SEC24D: variants seen among roughly 807,000 people sequenced by gnomAD.
SEC24D encodes protein transport protein Sec24D.
SEC24D carries 69 observed loss-of-function variants against 116.9 expected under a neutral mutation model. The ratio of observed to expected loss-of-function variants is 0.59; its 90% CI spans 0.49 to 0.72. The LOEUF is 0.72. Ranked by LOEUF, SEC24D falls within the 30% of genes least tolerant of loss-of-function variation. The probability of loss-of-function intolerance (pLI) is 0.00; values close to 1 mark genes in which losing one functional copy is unlikely to be tolerated. For synonymous variants in SEC24D, 405 were observed against 442.8 expected (o/e 0.91, Z 1.07); for missense variants, 1,131 against 1,264.1 (o/e 0.89, Z 1.60).
chr4:118,801,277 ATCGAACTTTT>A (rs1235009073), intron 7 of SEC24D, among the ~76,000 whole-genome samples: 2 of 151,892 alleles, frequency 1.3e-5, no homozygotes, highest in Non-Finnish European at 2.9e-5. Context: ...AAAAAAAAAA[ATCGAACTTTT>A]TTTGGCAAGG....
At chr4:118,831,331 G>C (rs1578485636) in intron 2 of SEC24D, among the ~76,000 whole-genome samples, 2 of 152,084 alleles carry the variant, frequency 1.3e-5, no homozygotes, top group Admixed American at 1.3e-4. Context: ...ACCCCACCAA[G>C]TTTTGTTTTT....
chr4:118,735,650 T>C (rs564500869), intron 19 of SEC24D: 1 of 152,028 alleles, frequency 6.6e-6, no homozygotes, highest in Admixed American at 6.6e-5. Context: ...ATTAAAAGAA[T>C]CTACATTGCT....
At chr4:118,817,917 G>C (rs6814969) in intron 3 of SEC24D, among the ~76,000 whole-genome samples, 24,459 of 152,034 alleles carry the variant, frequency 0.16, 2,064 homozygotes, top group Non-Finnish European at 0.18. Context: ...AGCCAGGAGT[G>C]GTGGCGCTAC....
intron 13 of SEC24D, among the ~76,000 whole-genome samples, chr4:118,750,876 C>T (rs542107148): frequency 6.6e-6 from 1 of 151,870 alleles, no homozygotes; most frequent in South Asian, 2.1e-4. Flanking sequence ...GTGATATCCA[C>T]AATAGTCTTT....
rs777421558 is a variant in SEC24D at position 118,752,776 on chromosome 4, T to C, written c.1534A>G (p.Thr512Ala). 2 of 1,612,392 alleles carry C rather than the reference T, an allele frequency of 1.2e-6. No homozygotes were observed. The highest frequency in any genetic ancestry group is 1.1e-5 in the South Asian group (1 of 90,806). ...NLAQPQMMVV[T>A]DVGEVFVPLL... Reference sequence around the variant, plus strand: ...GGAACAAAGACTTCTCCAACATCAGTCACCACCATCATCTGAGGCTGGGCC... The same window carrying C: ...GGAACAAAGACTTCTCCAACATCAGCCACCACCATCATCTGAGGCTGGGCC... Residue 512 changes from threonine to alanine, a missense_variant, in exon 12 of 23, where the codon ACT becomes GCT. Coordinates refer to ENST00000280551, the MANE Select transcript of SEC24D (RefSeq NM_014822.4).
intron 1 of SEC24D, among the ~76,000 whole-genome samples, chr4:118,835,442 C>A (rs1731053568): frequency 6.6e-6 from 1 of 152,230 alleles, no homozygotes; most frequent in African/African-American, 2.4e-5. Context: ...GAACGGCCCC[C>A]TGGCTCACTG....
rs538553911 is a variant in SEC24D, at chr4:118,744,006, G to A, written c.1977C>T (p.Tyr659=). ...CATTTACCTGGAAATTGTTGTATTT[G>A]TAAAGGGTTCCTCCAGTGAGCTGAG... ...LVPQLTGGTL[Y]KYNNFQMHLD... is the part of the protein sequence containing the mutation. Residue 659 remains tyrosine (Y), a synonymous_variant, in exon 15 of 23, where the codon TAC becomes TAT. Transcript: ENST00000280551. The A allele has an allele frequency of 1.0e-5, 16 of 1,601,292 alleles. No homozygotes were observed. The South Asian group carries it at 1.5e-4, about 15-fold the overall frequency.
chr4:118,756,129 A>T (rs1356150505), intron 11 of SEC24D, among the ~76,000 whole-genome samples: 1 of 28,344 alleles, frequency 3.5e-5, no homozygotes, highest in Non-Finnish European at 1.9e-4. Context: ...AAAGAGAGAA[A>T]GACCATTTCC....
In SEC24D at chr4:118,751,984, G is replaced by A. The variant is rs1425045640; in HGVS notation, c.1707+12C>T. On this transcript the variant is annotated intron_variant, in intron 13 of 22. Coordinates refer to ENST00000280551, the MANE Select transcript of SEC24D (RefSeq NM_014822.4). ...ATTTATTTACTAGCAATTAGAAGTGGCTTCTTCTCACCTTTAGTGCTTCCA... is the reference window on the plus strand; with the variant it reads ...ATTTATTTACTAGCAATTAGAAGTGACTTCTTCTCACCTTTAGTGCTTCCA... The A allele has an allele frequency of 6.4e-7, 1 of 1,552,848 alleles. No individual in the cohort carries two copies. The highest frequency in any genetic ancestry group is 2.2e-5 in the East Asian group (1 of 44,466).
chr4:118,800,216 G>A (rs1045249518), intron 7 of SEC24D, among the ~76,000 whole-genome samples: 3 of 152,170 alleles, frequency 2.0e-5, no homozygotes, highest in Non-Finnish European at 4.4e-5. Flanking sequence ...GAGAGAAGGT[G>A]CTGCAGGTTT....
At chr4:118,829,121 T>G (rs1010441607) in intron 2 of SEC24D, among the ~76,000 whole-genome samples, 3 of 152,262 alleles carry the variant, frequency 2.0e-5, no homozygotes, top group Non-Finnish European at 4.4e-5. Flanking sequence ...ATTTCTTTAG[T>G]GCATTTCTCA....
At chr4:118,813,482 G>A (rs943202237) in intron 6 of SEC24D, among the ~76,000 whole-genome samples, 1 of 152,236 alleles carries the variant, frequency 6.6e-6, no homozygotes, top group Admixed American at 6.5e-5. Context: ...GAATCCCAAA[G>A]CGGCACAGAG....
Position 118,723,078 on chromosome 4 carries a change from A to C in SEC24D, c.*437T>G, listed in dbSNP as rs1725229517. On this transcript the variant is annotated 3_prime_UTR_variant, in exon 23 of 23. Coordinates refer to ENST00000280551, the MANE Select transcript of SEC24D (RefSeq NM_014822.4). The stretch of plus-strand genomic sequence containing the variant: ...TTAAGTTGAAAAATGTGTTCAATGG[A>C]GTTACATGGTTTTAGAAAATTAAGT... 1 of 152,954 alleles carries C rather than the reference A, an allele frequency of 6.5e-6. No individual in the cohort carries two copies. Among genetic ancestry groups the C allele is most frequent in the Non-Finnish European group, 1.5e-5 (1 of 68,306 alleles). 9.5% of individuals were successfully genotyped at this position (152,954 alleles called of 1,614,324 possible).
intron 10 of SEC24D, among the ~76,000 whole-genome samples, chr4:118,761,384 C>T (rs1294198397): frequency 1.3e-5 from 2 of 152,152 alleles, no homozygotes; most frequent in African/African-American, 4.8e-5. Flanking sequence ...CAAGACTTAC[C>T]ATGATACTCA....
intron 2 of SEC24D, among the ~76,000 whole-genome samples, chr4:118,826,326 G>T (rs1484429910): frequency 6.6e-6 from 1 of 152,164 alleles, no homozygotes; most frequent in East Asian, 1.9e-4. Flanking sequence ...CCCATGTCAT[G>T]GCAATAATAT....
intron 8 of SEC24D, among the ~76,000 whole-genome samples, chr4:118,785,264 T>C (rs1308922109): frequency 6.6e-6 from 1 of 152,190 alleles, no homozygotes; most frequent in Non-Finnish European, 1.5e-5. Context: ...AATTCTACTA[T>C]ACTTCTATAT....
chr4:118,767,577 T>C (rs1727698453), intron 9 of SEC24D, among the ~76,000 whole-genome samples: 1 of 152,232 alleles, frequency 6.6e-6, no homozygotes, highest in African/African-American at 2.4e-5. Flanking sequence ...ATGTAATAAA[T>C]GTGAAAACAC....
intron 8 of SEC24D, chr4:118,769,986 C>T (rs1052137511): frequency 6.6e-6 from 1 of 152,218 alleles, no homozygotes; most frequent in Non-Finnish European, 1.5e-5. Context: ...ACAAAGTCAT[C>T]TTTGACAGGA....
intron 22 of SEC24D, among the ~76,000 whole-genome samples, chr4:118,726,521 G>C (rs59721606): frequency 6.6e-6 from 1 of 152,086 alleles, no homozygotes; most frequent in Non-Finnish European, 1.5e-5. Flanking sequence ...GTATATTGCC[G>C]GTGTTCAATA....
Sources: allele counts gnomAD v4.1 joint callset (sites outside exome capture counted in the v4.1 genomes callset), GRCh38; gene constraint gnomAD v4.1.1; transcripts MANE v1.5; gene names NCBI Gene and HGNC (gene_info 2026-07-23, HGNC 2026-07-21).